PLEKHG4B: variants seen among roughly 807,000 people sequenced by gnomAD.
The protein encoded by PLEKHG4B is pleckstrin homology domain-containing family G member 4B.
In PLEKHG4B, 111 loss-of-function variants were observed where a neutral mutation model predicts 121.3. That is an observed-to-expected ratio of 0.92 (90% CI 0.78 to 1.07). The LOEUF (loss-of-function observed/expected upper bound fraction) is 1.07, where lower values mean the gene tolerates loss of function less well. Ranked by LOEUF, PLEKHG4B falls within the 50% of genes least tolerant of loss-of-function variation. The pLI is 0.00. For missense variants in PLEKHG4B, 1,831 were observed against 1,757.8 expected, an observed-to-expected ratio of 1.04 and a Z score of -0.74; for synonymous variants, 738 against 725.0, an observed-to-expected ratio of 1.02 and a Z score of -0.29.
At chr5:132,992 A>G (rs2126384309) in intron 2 of PLEKHG4B, among the ~76,000 whole-genome samples, 1 of 152,216 alleles carries the variant, frequency 6.6e-6, no homozygotes, top group East Asian at 1.9e-4. Flanking sequence ...CAGTTTGGTC[A>G]TTTCACAGTA....
chr5:169,086 G>C, intron 13 of PLEKHG4B: 1 of 499,462 alleles, frequency 2.0e-6, no homozygotes, highest in East Asian at 3.8e-5. Flanking sequence ...ATGTTGGCCA[G>C]GCTGGTCTCG....
At chr5:112,083 C>T (rs1734175467) in intron 1 of PLEKHG4B, among the ~76,000 whole-genome samples, 1 of 152,222 alleles carries the variant, frequency 6.6e-6, no homozygotes, top group Admixed American at 6.5e-5. Context: ...GTATTTAGAT[C>T]ATTCCTGTCA....
chr5:119,685 A>AC (rs1207288228), intron 2 of PLEKHG4B, among the ~76,000 whole-genome samples: 2 of 152,214 alleles, frequency 1.3e-5, no homozygotes, highest in Non-Finnish European at 2.9e-5. Flanking sequence ...TGAGTAAATA[A>AC]CAGAAGCCAC....
intron 2 of PLEKHG4B, among the ~76,000 whole-genome samples, chr5:134,121 A>ATATATG (rs1734874436): frequency 9.8e-6 from 1 of 101,736 alleles, no homozygotes; most frequent in Non-Finnish European, 2.0e-5. Flanking sequence ...ATATATATAT[A>ATATATG]TGTGATGGAA....
chr5:181,130 AACCTGTTG>A (rs1239777322), intron 18 of PLEKHG4B, among the ~76,000 whole-genome samples: 1 of 152,146 alleles, frequency 6.6e-6, no homozygotes, highest in Non-Finnish European at 1.5e-5. Flanking sequence ...AACTCCTAGA[AACCTGTTG>A]TTTTGTCTTT....
intron 7 of PLEKHG4B, among the ~76,000 whole-genome samples, chr5:152,288 G>A (rs2126419978): frequency 6.7e-6 from 1 of 148,392 alleles, no homozygotes; most frequent in African/African-American, 2.5e-5. Context: ...AGAGCTTACT[G>A]TAATCTCAAA....
chr5:144,776 G>T, intron 5 of PLEKHG4B, 51 bp from the exon 6 acceptor site: 1 of 1,514,778 alleles, frequency 6.6e-7, no homozygotes, highest in Non-Finnish European at 9.1e-7. Flanking sequence ...ACTCGTTCTT[G>T]TAAGAGATTT....
chr5:138,590 A>G (rs1336973870), intron 2 of PLEKHG4B, among the ~76,000 whole-genome samples: 3 of 152,188 alleles, frequency 2.0e-5, no homozygotes, highest in Admixed American at 1.3e-4. Flanking sequence ...CTTCCATCTG[A>G]GTCCCTGAGG....
rs150953557 is a variant in PLEKHG4B, at chr5:129,626, T to C, written c.244-9857T>C. On this transcript the variant is annotated intron_variant, in intron 2 of 19. Coordinates refer to ENST00000637938, the MANE Select transcript of PLEKHG4B (RefSeq NM_052909.5). ...ACATTTTGCTCAGAGTAAGCCTCTT[T>C]AAATATTTCATAGAGCTTGGCTTTC... is the stretch of plus-strand genomic sequence containing the variant. Among the ~76,000 whole-genome samples the C allele has an allele frequency of 2.2e-3, 330 of 152,330 alleles. 1 individual carries two copies. The highest frequency in any genetic ancestry group is 7.5e-3 in the African/African-American group (313 of 41,574).
intron 13 of PLEKHG4B, among the ~76,000 whole-genome samples, chr5:165,326 C>G (rs185258700): frequency 2.0e-4 from 2 of 10,196 alleles, no homozygotes; most frequent in East Asian, 1.5e-3. Context: ...TCACAGTAAT[C>G]CTCTGACGGG....
Position 182,424 on chromosome 5 carries a change from G to A in PLEKHG4B, c.*101G>A, listed in dbSNP as rs1733445153. The A allele has an allele frequency of 8.1e-7, 1 of 1,232,578 alleles. No homozygotes were observed. Among genetic ancestry groups the A allele is most frequent in the Non-Finnish European group, 1.1e-6 (1 of 894,584 alleles). 76.4% of individuals were successfully genotyped at this position (1,232,578 alleles called of 1,614,324 possible). On this transcript the variant is annotated 3_prime_UTR_variant, in exon 20 of 20. Transcript: ENST00000637938. ...TGGGGGTGGCGGTGCCCATCGCGTG[G>A]CTGGAACGATCCAGAGGGAATAGCA...
At chr5:120,547 G>A (rs923025359) in intron 2 of PLEKHG4B, among the ~76,000 whole-genome samples, 75 of 152,174 alleles carry the variant, frequency 4.9e-4, no homozygotes, top group African/African-American at 1.7e-3. Context: ...GAAAGGTGGA[G>A]AGAGATCTCA....
chr5:143,080 ACGG>A lies in PLEKHG4B; in HGVS notation c.1516_1518del (p.Gly506del). On this transcript the variant is annotated inframe_deletion, in exon 4 of 20. Coordinates refer to ENST00000637938, the MANE Select transcript of PLEKHG4B (RefSeq NM_052909.5). ...GCATCCTCAGCCTGTGTCAGCACAG[ACGG>A]CGGCAGCCTCCATTGCCACAACCCC... The A allele has an allele frequency of 1.2e-6, 2 of 1,613,160 alleles. No individual in the cohort carries two copies. Among genetic ancestry groups the A allele is most frequent in the Non-Finnish European group, 8.5e-7 (1 of 1,179,984 alleles).
intron 2 of PLEKHG4B, among the ~76,000 whole-genome samples, chr5:138,004 C>T (rs941362742): frequency 9.2e-5 from 14 of 152,314 alleles, no homozygotes; most frequent in East Asian, 5.8e-4. Flanking sequence ...GAGGAACACG[C>T]GCAGACGTTT....
intron 14 of PLEKHG4B, among the ~76,000 whole-genome samples, chr5:170,579 T>C (rs2126453834): frequency 6.6e-6 from 1 of 152,278 alleles, no homozygotes; most frequent in South Asian, 2.1e-4. Flanking sequence ...GGATTACAGG[T>C]GTGAGCCACT....
chr5:92,203 C>T lies in PLEKHG4B; in HGVS notation c.-29C>T. 1 of 368,972 alleles carries T rather than the reference C, an allele frequency of 2.7e-6. No individual in the cohort carries two copies. The highest frequency in any genetic ancestry group is 4.8e-6 in the Non-Finnish European group (1 of 208,354). 22.9% of individuals were successfully genotyped at this position (368,972 alleles called of 1,614,324 possible). ...GGGACCAGGCAGAGTTCGGGGAAAGCGTCGGAGTTCGGGAGACCAGGGTCC... is the reference window on the plus strand; with the variant it reads ...GGGACCAGGCAGAGTTCGGGGAAAGTGTCGGAGTTCGGGAGACCAGGGTCC... On this transcript the variant is annotated 5_prime_UTR_variant, in exon 1 of 20. Transcript: ENST00000637938.
At chr5:152,293 C>G (rs1735632547) in intron 7 of PLEKHG4B, among the ~76,000 whole-genome samples, 1 of 150,964 alleles carries the variant, frequency 6.6e-6, no homozygotes, top group Non-Finnish European at 1.5e-5. Context: ...TTACTGTAAT[C>G]TCAAACTCCT....
intron 1 of PLEKHG4B, among the ~76,000 whole-genome samples, chr5:104,289 T>TAGG (rs1262469870): frequency 6.6e-6 from 1 of 150,612 alleles, no homozygotes; most frequent in Non-Finnish European, 1.5e-5. Context: ...CACCGATTCC[T>TAGG]AGACAACCTC....
intron 18 of PLEKHG4B, among the ~76,000 whole-genome samples, chr5:175,047 G>A (rs576915155): frequency 6.6e-6 from 1 of 152,258 alleles, no homozygotes; most frequent in African/African-American, 2.4e-5. Context: ...GGCCCCGACA[G>A]CACTCACACA....
Sources: allele counts gnomAD v4.1 joint callset (sites outside exome capture counted in the v4.1 genomes callset), GRCh38; gene constraint gnomAD v4.1.1; transcripts MANE v1.5; gene names NCBI Gene and HGNC (gene_info 2026-07-23, HGNC 2026-07-21).